ZHX3: variants seen among roughly 807,000 people sequenced by gnomAD.
The protein encoded by ZHX3 is zinc fingers and homeoboxes 3.
A neutral mutation model predicts 64.5 loss-of-function variants in ZHX3; 20 were observed. That is an observed-to-expected ratio of 0.31 (90% CI 0.22 to 0.45). The LOEUF is 0.45. ZHX3 is among the 20% of genes least tolerant of loss of function. The probability of loss-of-function intolerance (pLI) is 1.00; values close to 1 mark genes in which losing one functional copy is unlikely to be tolerated. For synonymous variants in ZHX3, 423 were observed against 461.6 expected, an observed-to-expected ratio of 0.92 and a Z score of 1.07; for missense variants, 1,041 against 1,195.8, an observed-to-expected ratio of 0.87 and a Z score of 1.91.
chr20:41,290,343 A>ACT (rs2044167392), intron 1 of ZHX3: 1 of 152,244 alleles, frequency 6.6e-6, no homozygotes, highest in South Asian at 2.1e-4. Flanking sequence ...GCACAATCCC[A>ACT]CTACTGATCT....
In ZHX3 at chr20:41,204,059, G is replaced by C; in HGVS notation, c.858C>G (p.Val286=). 1 of 1,613,238 alleles carries C rather than the reference G, an allele frequency of 6.2e-7. No homozygotes were observed. Among genetic ancestry groups the C allele is most frequent in the Non-Finnish European group, 8.5e-7 (1 of 1,179,464 alleles). Residue 286 remains valine (V), a synonymous_variant, in exon 3 of 4, where the codon GTC becomes GTG. Transcript: ENST00000683867. This position sits in a 1 kb window ranked among gnomAD's most constrained non-coding sequence, Gnocchi z 6.6. ...QQPPVHAQHH[V]HQPLPTAKAL... is the part of the protein sequence containing the mutation. ...CCTTGGCCGTGGGCAGTGGCTGGTGGACATGGTGTTGGGCATGCACTGGGG... is the reference window on the plus strand; with the variant it reads ...CCTTGGCCGTGGGCAGTGGCTGGTGCACATGGTGTTGGGCATGCACTGGGG...
At chr20:41,229,323 G>T (rs1439116692) in intron 2 of ZHX3, among the ~76,000 whole-genome samples, 6 of 152,138 alleles carry the variant, frequency 3.9e-5, no homozygotes. Flanking sequence ...CACTTGGGTT[G>T]CTTCTACCTT....
At position 41,212,004 on chromosome 20, in the gene ZHX3, A is replaced by G. The variant is rs1244929373; in HGVS notation, c.-150-6938T>C. 1.3e-5 allele frequency among the ~76,000 whole-genome samples: 2 copies of G among 152,250 alleles called. No homozygotes were observed. Among genetic ancestry groups the G allele is most frequent in the East Asian group, 3.8e-4 (2 of 5,204 alleles). Reference sequence around the variant, plus strand: ...CAAGTTATGGAAGACATCAAGTAGAATATCTGAAAGCACAAACGACAAAAG... The same window carrying G: ...CAAGTTATGGAAGACATCAAGTAGAGTATCTGAAAGCACAAACGACAAAAG... On this transcript the variant is annotated intron_variant, in intron 2 of 3. Transcript: ENST00000683867. This position sits in a 1 kb window ranked among gnomAD's most constrained non-coding sequence, Gnocchi z 4.3.
At chr20:41,256,916 A>T (rs2042287399) in intron 2 of ZHX3, among the ~76,000 whole-genome samples, 2 of 151,882 alleles carry the variant, frequency 1.3e-5, no homozygotes, top group Admixed American at 1.3e-4. Context: ...AATAGGTAGT[A>T]TTTCATCCCT....
intron 2 of ZHX3, among the ~76,000 whole-genome samples, chr20:41,267,854 T>C (rs1159786695): frequency 6.6e-6 from 1 of 152,214 alleles, no homozygotes; most frequent in Non-Finnish European, 1.5e-5. Context: ...ACCAGTGTGA[T>C]GAAGCAGTCA....
At chr20:41,277,037 TG>T (rs2043416434) in intron 1 of ZHX3, among the ~76,000 whole-genome samples, 2 of 152,200 alleles carry the variant, frequency 1.3e-5, no homozygotes, top group Admixed American at 1.3e-4. Flanking sequence ...AAATTTCTGG[TG>T]GTAAAAATCA....
intron 3 of ZHX3, among the ~76,000 whole-genome samples, chr20:41,198,395 A>T (rs1056874340): frequency 6.6e-6 from 1 of 151,934 alleles, no homozygotes; most frequent in Admixed American, 6.6e-5. Context: ...ACTAATAATG[A>T]TCTCCTTCAA....
At chr20:41,215,452 A>G (rs1484350456) in intron 2 of ZHX3, among the ~76,000 whole-genome samples, 1 of 152,154 alleles carries the variant, frequency 6.6e-6, no homozygotes, top group African/African-American at 2.4e-5. Flanking sequence ...TAAAAATCTT[A>G]AAGTGTTTAT....
intron 2 of ZHX3, among the ~76,000 whole-genome samples, chr20:41,209,885 A>C (rs2039025900): frequency 6.6e-6 from 1 of 152,220 alleles, no homozygotes; most frequent in Admixed American, 6.5e-5. Context: ...AAGCGAAAGA[A>C]ACCACCATCA....
Position 41,185,348 on chromosome 20 carries a change from TCC to T in ZHX3, c.2861-149_2861-148del. On this transcript the variant is annotated intron_variant, in intron 3 of 3. Coordinates refer to ENST00000683867, the MANE Select transcript of ZHX3 (RefSeq NM_001384317.1). This position sits in a 1 kb window ranked among gnomAD's most constrained non-coding sequence, Gnocchi z 5.0. ...CAATGAATGGCCTTCTGCCACCCAC[TCC>T]CCCACCCTCCAGCCTGAGGGAATGT... 1 of 943,034 alleles carries T rather than the reference TCC, an allele frequency of 1.1e-6. No homozygotes were observed. The allele number at this position is 943,034 out of a possible 1,614,324, so 58.4% of individuals were successfully genotyped here. A position where few individuals can be genotyped will look rare whatever the true frequency, so the allele number is the denominator to read the frequency against.
intron 1 of ZHX3, among the ~76,000 whole-genome samples, chr20:41,273,153 A>T (rs528024978): frequency 2.0e-5 from 3 of 152,236 alleles, no homozygotes; most frequent in South Asian, 2.1e-4. Context: ...AAATCTTTTC[A>T]TATGTTTCTT....
intron 2 of ZHX3, among the ~76,000 whole-genome samples, chr20:41,215,086 G>A (rs1372256331): frequency 1.3e-5 from 2 of 152,044 alleles, no homozygotes; most frequent in South Asian, 4.2e-4. Flanking sequence ...GTGAAACCCC[G>A]TCTCTACTAA....
chr20:41,214,893 G>C (rs2039411574), intron 2 of ZHX3, among the ~76,000 whole-genome samples: 1 of 152,204 alleles, frequency 6.6e-6, no homozygotes, highest in African/African-American at 2.4e-5. Context: ...GCCAGGTGAT[G>C]TTTGCATTTT....
Position 41,201,248 on chromosome 20 carries a change from C to T in ZHX3, c.2860+809G>A, listed in dbSNP as rs928959132. 242 of 1,270,682 alleles carry T rather than the reference C, an allele frequency of 1.9e-4. No individual in the cohort carries two copies. The African/African-American group carries it at 3.5e-3, about 18-fold the overall frequency. 78.7% of individuals were successfully genotyped at this position (1,270,682 alleles called of 1,614,324 possible). ...GCTGCCATTTTGGAACCCCCAATCCCTTCAGCTTCTACAATACTCCGCCCT... is the reference window on the plus strand; with the variant it reads ...GCTGCCATTTTGGAACCCCCAATCCTTTCAGCTTCTACAATACTCCGCCCT... On this transcript the variant is annotated intron_variant, in intron 3 of 3. Coordinates refer to ENST00000683867, the MANE Select transcript of ZHX3 (RefSeq NM_001384317.1). The surrounding 1 kb of genome is among the most constrained non-coding windows in gnomAD (Gnocchi z 5.0).
chr20:41,292,991 CTGT>C (rs2044326097), intron 1 of ZHX3, among the ~76,000 whole-genome samples: 1 of 152,212 alleles, frequency 6.6e-6, no homozygotes, highest in Admixed American at 6.5e-5. Context: ...GACAGCCCTG[CTGT>C]TGTTTTCTTC....
chr20:41,224,270 C>A lies in ZHX3; in HGVS notation c.-150-19204G>T, dbSNP rs2040129110. Among the ~76,000 whole-genome samples, 1 of 152,156 alleles carries A rather than the reference C, an allele frequency of 6.6e-6. No homozygotes were observed. ...TTTCTTAGTTGGACCTGGTTCCCAG[C>A]TTTTAGATTTGTCTTTTGGACATAA... On this transcript the variant is annotated intron_variant, in intron 2 of 3. Transcript: ENST00000683867. The surrounding 1 kb of genome is among the most constrained non-coding windows in gnomAD (Gnocchi z 5.2).
chr20:41,281,597 G>A (rs1043462125), intron 1 of ZHX3, among the ~76,000 whole-genome samples: 3 of 152,156 alleles, frequency 2.0e-5, no homozygotes, highest in South Asian at 2.1e-4. Context: ...TCTTACTTGC[G>A]GAAGAACCAT....
intron 1 of ZHX3, among the ~76,000 whole-genome samples, chr20:41,280,539 A>G (rs1178816138): frequency 6.6e-6 from 1 of 152,236 alleles, no homozygotes; most frequent in African/African-American, 2.4e-5. Context: ...AAAAGTTATT[A>G]GTGGGGAATA....
rs1200377739 is a variant in ZHX3 at position 41,224,119 on chromosome 20, A to T, written c.-150-19053T>A. Among the ~76,000 whole-genome samples the T allele has an allele frequency of 1.3e-5, 2 of 152,350 alleles. No homozygotes were observed. The highest frequency in any genetic ancestry group is 3.9e-4 in the East Asian group (2 of 5,194). ...AATACCCAAAATGGAGGAGTGGGACAATATATGCAGTCCAACTTCTTTCCT... is the reference window on the plus strand; with the variant it reads ...AATACCCAAAATGGAGGAGTGGGACTATATATGCAGTCCAACTTCTTTCCT... On this transcript the variant is annotated intron_variant, in intron 2 of 3. Transcript: ENST00000683867. This position sits in a 1 kb window ranked among gnomAD's most constrained non-coding sequence, Gnocchi z 5.2.
Sources: allele counts gnomAD v4.1 joint callset (sites outside exome capture counted in the v4.1 genomes callset), GRCh38; gene constraint gnomAD v4.1.1; non-coding constraint Gnocchi (gnomAD v3.1); transcripts MANE v1.5; gene names NCBI Gene and HGNC (gene_info 2026-07-23, HGNC 2026-07-21).